CDC42SE2: variants seen among roughly 807,000 people sequenced by gnomAD.
The protein encoded by CDC42SE2 is CDC42 small effector protein 2.
CDC42SE2 carries 3 observed loss-of-function variants against 11.5 expected under a neutral mutation model. The observed-to-expected ratio is 0.26, with a 90% CI of 0.12 to 0.67. CDC42SE2 has a LOEUF of 0.67. Ranked by LOEUF, CDC42SE2 falls within the 30% of genes least tolerant of loss-of-function variation. The pLI, the probability that CDC42SE2 is intolerant of heterozygous loss-of-function variation, is 0.80. For missense variants in CDC42SE2, 82 were observed against 106.8 expected (o/e 0.77, Z 1.02); for synonymous variants, 33 against 34.8 (o/e 0.95, Z 0.18).
the CDC42SE2 span, among the ~76,000 whole-genome samples, chr5:131,224,747 A>G: frequency 6.6e-6 from 1 of 152,098 alleles, no homozygotes; most frequent in East Asian, 1.9e-4. Context: ...AATTCTTACA[A>G]GAGGCTCAAC....
intron 2 of CDC42SE2, among the ~76,000 whole-genome samples, chr5:131,257,835 A>C (rs1756690757): frequency 6.6e-6 from 1 of 152,098 alleles, no homozygotes; most frequent in African/African-American, 2.4e-5. Context: ...ATCTAACAAG[A>C]TATTCCGTTT....
rs191332302 is a variant in CDC42SE2 at position 131,282,227 on chromosome 5, C to T, written c.-455+18061C>T. Among the ~76,000 whole-genome samples the T allele has an allele frequency of 2.6e-5, 4 of 152,322 alleles. No individual in the cohort carries two copies. The East Asian group carries it at 7.7e-4, about 29-fold the overall frequency. On this transcript the variant is annotated intron_variant, in intron 1 of 4. Transcript: ENST00000505065. ...AAAATTGTAAGAAAGTCCATTTCTA[C>T]ATTTCCTGAGAAATCGAAACATTTG...
intron 2 of CDC42SE2, among the ~76,000 whole-genome samples, chr5:131,320,054 G>GAAAAAAAAAAAAAA (rs763857152): frequency 1.6e-5 from 1 of 62,782 alleles, no homozygotes; most frequent in African/African-American, 5.2e-5. Flanking sequence ...CCGTCTTAAA[G>GAAAAAAAAAAAAAA]AAAAAAAAAA....
Position 131,392,439 on chromosome 5 carries a change from G to C in CDC42SE2, c.*1348G>C, listed in dbSNP as rs1750688548. On this transcript the variant is annotated 3_prime_UTR_variant, in exon 5 of 5. Coordinates refer to ENST00000505065, the MANE Select transcript of CDC42SE2 (RefSeq NM_001375635.1). ...GCTGATGATGCTGCTATTAGATAAA[G>C]TTTAGCTGTGGCACCAAGTCACATC... The C allele has an allele frequency of 6.5e-6, 1 of 152,714 alleles. No individual in the cohort carries two copies. Among genetic ancestry groups the C allele is most frequent in the African/African-American group, 2.4e-5 (1 of 41,450 alleles). The allele number at this position is 152,714 out of a possible 1,614,324, so 9.5% of individuals were successfully genotyped here. A position where few individuals can be genotyped will look rare whatever the true frequency, so the allele number is the denominator to read the frequency against.
chr5:131,251,017 C>G (rs1756634981), intron 1 of CDC42SE2, among the ~76,000 whole-genome samples: 1 of 152,142 alleles, frequency 6.6e-6, no homozygotes, highest in Non-Finnish European at 1.5e-5. Context: ...ACTTTCCACT[C>G]TGTCAACCTA....
chr5:131,294,570 A>G (rs1330396738), intron 1 of CDC42SE2, among the ~76,000 whole-genome samples: 1 of 152,226 alleles, frequency 6.6e-6, no homozygotes, highest in African/African-American at 2.4e-5. Context: ...AGAATGCCAG[A>G]TAACTTAAAA....
intron 2 of CDC42SE2, among the ~76,000 whole-genome samples, chr5:131,327,080 T>A (rs1163505920): frequency 6.6e-6 from 1 of 152,258 alleles, no homozygotes; most frequent in Non-Finnish European, 1.5e-5. Context: ...TACATTATTG[T>A]AATTACTGTT....
chr5:131,215,028 G>A, the CDC42SE2 span, among the ~76,000 whole-genome samples: 1 of 152,200 alleles, frequency 6.6e-6, no homozygotes, highest in Non-Finnish European at 1.5e-5. Context: ...AAGGACCTCA[G>A]GGACAGTCTG....
At chr5:131,222,997 T>A in the CDC42SE2 span, among the ~76,000 whole-genome samples, 52 of 152,250 alleles carry the variant, frequency 3.4e-4, no homozygotes, top group Admixed American at 2.0e-3. Context: ...TTAGCTAATG[T>A]AATTAAATCA....
intron 3 of CDC42SE2, among the ~76,000 whole-genome samples, chr5:131,384,352 C>T (rs545425805): frequency 9.8e-4 from 149 of 152,208 alleles, no homozygotes; most frequent in Non-Finnish European, 1.4e-3. Context: ...ATGGGACTCT[C>T]GTGATAAAAT....
intron 1 of CDC42SE2, among the ~76,000 whole-genome samples, chr5:131,264,713 G>A (rs1426717401): frequency 1.3e-5 from 2 of 152,200 alleles, no homozygotes; most frequent in Non-Finnish European, 2.9e-5. Flanking sequence ...ACCTCGTCGC[G>A]GGAGCTGAGC....
At position 131,283,146 on chromosome 5, in the gene CDC42SE2, C is replaced by T. The variant is rs979147834; in HGVS notation, c.-455+18980C>T. On this transcript the variant is annotated intron_variant, in intron 1 of 4. Coordinates refer to ENST00000505065, the MANE Select transcript of CDC42SE2 (RefSeq NM_001375635.1). ...TTCTCCATGTTGTTCAGGCTGGTCT[C>T]GAACTCCTGACCTCAGGTGATCTGC... Among the ~76,000 whole-genome samples, 31 of 151,638 alleles carry T rather than the reference C, an allele frequency of 2.0e-4. 1 individual carries two copies. In the South Asian group the frequency reaches 2.1e-3, roughly 10 times the overall value.
intron 1 of CDC42SE2, among the ~76,000 whole-genome samples, chr5:131,276,768 C>G (rs887644141): frequency 1.3e-5 from 2 of 150,954 alleles, no homozygotes; most frequent in African/African-American, 2.4e-5. Flanking sequence ...TGCTCTGTCA[C>G]CCAGGTGGGA....
At chr5:131,333,544 A>G (rs1758475185) in intron 2 of CDC42SE2, among the ~76,000 whole-genome samples, 3 of 152,184 alleles carry the variant, frequency 2.0e-5, no homozygotes, top group African/African-American at 7.2e-5. Context: ...TTGAATCTAT[A>G]TATTACCTTG....
Position 131,349,407 on chromosome 5 carries a change from T to C in CDC42SE2, c.-285-9802T>C, listed in dbSNP as rs1258323727. On this transcript the variant is annotated intron_variant, in intron 2 of 4. Coordinates refer to ENST00000505065, the MANE Select transcript of CDC42SE2 (RefSeq NM_001375635.1). ...CTAATGTAAATGATGAGTTAACGAG[T>C]GCAGCACACCAACATGGCACATGTA... Among the ~76,000 whole-genome samples the C allele has an allele frequency of 3.9e-5, 6 of 152,026 alleles. No homozygotes were observed. In the South Asian group the frequency reaches 1.0e-3, roughly 26 times the overall value.
intron 1 of CDC42SE2, among the ~76,000 whole-genome samples, chr5:131,296,422 A>G (rs565456552): frequency 6.6e-6 from 1 of 152,326 alleles, no homozygotes; most frequent in African/African-American, 2.4e-5. Flanking sequence ...TTAGAAGTCC[A>G]AAATCAGGGT....
intron 2 of CDC42SE2, among the ~76,000 whole-genome samples, chr5:131,342,583 T>G (rs563975297): frequency 2.7e-4 from 41 of 151,892 alleles, no homozygotes; most frequent in African/African-American, 9.9e-4. Context: ...AGAGATGGGA[T>G]TTCACCATAT....
At chr5:131,266,752 G>GA (rs11436744) in intron 1 of CDC42SE2, among the ~76,000 whole-genome samples, 6,379 of 151,862 alleles carry the variant, frequency 0.042, 349 homozygotes, top group African/African-American at 0.13. Context: ...GTTGTTTCTA[G>GA]AAAAAATAAG....
the CDC42SE2 span, among the ~76,000 whole-genome samples, chr5:131,214,094 T>G: frequency 9.2e-5 from 14 of 152,310 alleles, no homozygotes; most frequent in East Asian, 2.7e-3. Flanking sequence ...TTTAAAAATA[T>G]AAAAATAATG....
Sources: allele counts gnomAD v4.1 joint callset (sites outside exome capture counted in the v4.1 genomes callset), GRCh38; gene constraint gnomAD v4.1.1; transcripts MANE v1.5; gene names NCBI Gene and HGNC (gene_info 2026-07-23, HGNC 2026-07-21).